The following RBFOX1 variants were observed in gnomAD, a reference collection of about 807,000 sequenced individuals.
RBFOX1 encodes the protein RNA binding fox-1 homolog 1, also known as RNA binding protein fox-1 homolog 1.
RBFOX1 carries 8 observed loss-of-function variants against 57.7 expected under a neutral mutation model. The ratio of observed to expected loss-of-function variants is 0.14; its 90% CI spans 0.08 to 0.25. The LOEUF (loss-of-function observed/expected upper bound fraction) is 0.25. Ranked by LOEUF, RBFOX1 falls within the 10% of genes least tolerant of loss-of-function variation. The pLI, the probability that RBFOX1 is intolerant of heterozygous loss-of-function variation, is 1.00. For synonymous variants in RBFOX1, 326 were observed against 222.4 expected, an observed-to-expected ratio of 1.47 and a Z score of -4.15; for missense variants, 611 against 548.5, an observed-to-expected ratio of 1.11 and a Z score of -1.14.
chr16:5,774,140 CAGG>C (rs1365170735), intron 3 of RBFOX1, among the ~76,000 whole-genome samples: 5 of 152,112 alleles, frequency 3.3e-5, no homozygotes, highest in Admixed American at 3.3e-4. Context: ...TTAGCCTGTG[CAGG>C]AGGAGGAGGA....
intron 2 of RBFOX1, among the ~76,000 whole-genome samples, chr16:6,642,621 C>G (rs929599): frequency 0.56 from 85,437 of 151,642 alleles, 25,486 homozygotes; most frequent in South Asian, 0.81. Context: ...GTGAAGAAAA[C>G]AAAATAACTC....
intron 4 of RBFOX1, among the ~76,000 whole-genome samples, chr16:7,509,210 A>T (rs78418472): frequency 6.6e-6 from 1 of 152,236 alleles, no homozygotes. Context: ...TTTTCTTGAT[A>T]GCATTTGTCA....
chr16:6,126,145 C>A (rs962831451), intron 1 of RBFOX1, among the ~76,000 whole-genome samples: 1 of 152,058 alleles, frequency 6.6e-6, no homozygotes, highest in Non-Finnish European at 1.5e-5. Flanking sequence ...AAATCAAATC[C>A]GAGGGATTAA....
chr16:6,863,111 G>T (rs2059304548), intron 3 of RBFOX1, among the ~76,000 whole-genome samples: 1 of 152,120 alleles, frequency 6.6e-6, no homozygotes, highest in African/African-American at 2.4e-5. Context: ...ACAGATTATT[G>T]GTGGGAGAGT....
intron 3 of RBFOX1, among the ~76,000 whole-genome samples, chr16:6,982,297 T>C (rs1599074787): frequency 6.6e-6 from 1 of 152,196 alleles, no homozygotes; most frequent in African/African-American, 2.4e-5. Context: ...ACCTACATTA[T>C]TCCATTTTGA....
chr16:6,864,046 G>C (rs1291512200), intron 3 of RBFOX1, among the ~76,000 whole-genome samples: 1 of 145,766 alleles, frequency 6.9e-6, no homozygotes, highest in Non-Finnish European at 1.5e-5. Context: ...AACCTGCCTA[G>C]CAAAAGCTGA....
At chr16:5,255,816 G>C (rs1056928237) in intron 1 of RBFOX1, among the ~76,000 whole-genome samples, 11 of 152,110 alleles carry the variant, frequency 7.2e-5, no homozygotes, top group Non-Finnish European at 1.3e-4. Flanking sequence ...TAGTAATTGA[G>C]AACACGGTCT....
chr16:6,945,683 G>A (rs934267915), intron 3 of RBFOX1, among the ~76,000 whole-genome samples: 1 of 152,076 alleles, frequency 6.6e-6, no homozygotes, highest in African/African-American at 2.4e-5. Context: ...CTGAGGTCAG[G>A]AGTTCAAGAC....
intron 3 of RBFOX1, among the ~76,000 whole-genome samples, chr16:6,786,434 G>A (rs924379872): frequency 6.6e-6 from 1 of 152,060 alleles, no homozygotes; most frequent in African/African-American, 2.4e-5. Context: ...TAGATCAAGT[G>A]GAAGAAACAT....
chr16:5,380,633 A>T (rs1420132651), intron 1 of RBFOX1, among the ~76,000 whole-genome samples: 1 of 152,218 alleles, frequency 6.6e-6, no homozygotes, highest in East Asian at 1.9e-4. Flanking sequence ...TTTTTTAGGC[A>T]TTATTACATT....
chr16:6,682,669 C>T (rs28735258), intron 3 of RBFOX1, among the ~76,000 whole-genome samples: 2 of 151,888 alleles, frequency 1.3e-5, no homozygotes, highest in African/African-American at 4.8e-5. Context: ...AAAAATGACT[C>T]TAGATGCCGC....
At position 6,590,514 on chromosome 16, in the gene RBFOX1, G is replaced by A. The variant is rs1048221214; in HGVS notation, c.-63-64089G>A. Among the ~76,000 whole-genome samples, 31 of 152,060 alleles carry A rather than the reference G, an allele frequency of 2.0e-4. 1 individual carries two copies. The highest frequency in any genetic ancestry group is 1.6e-3 in the Admixed American group (24 of 15,252). On this transcript the variant is annotated intron_variant, in intron 2 of 15. Transcript: ENST00000550418. ...GAGACAATTGTCCTTTATAGCTTTCGGGAGTAAATTCAATGAGAGCCCCCT... is the reference window on the plus strand; with the variant it reads ...GAGACAATTGTCCTTTATAGCTTTCAGGAGTAAATTCAATGAGAGCCCCCT...
At chr16:7,415,542 C>A (rs116064846) in intron 4 of RBFOX1, among the ~76,000 whole-genome samples, 2,472 of 152,230 alleles carry the variant, frequency 0.016, 66 homozygotes, top group African/African-American at 0.056. Context: ...GGTTTGAAAC[C>A]CACCTGTCCA....
chr16:5,630,606 A>T (rs1211322617), intron 3 of RBFOX1, among the ~76,000 whole-genome samples: 1 of 152,102 alleles, frequency 6.6e-6, no homozygotes, highest in Admixed American at 6.6e-5. Context: ...GATACTCTTG[A>T]TGGAAAGGAC....
chr16:5,475,961 T>A (rs1051854318), intron 2 of RBFOX1, among the ~76,000 whole-genome samples: 2 of 152,158 alleles, frequency 1.3e-5, no homozygotes, highest in Non-Finnish European at 2.9e-5. Flanking sequence ...ACCATGACTG[T>A]CTTGCTCCTC....
intron 2 of RBFOX1, among the ~76,000 whole-genome samples, chr16:5,523,157 A>G (rs1345431063): frequency 6.6e-6 from 1 of 152,140 alleles, no homozygotes; most frequent in Non-Finnish European, 1.5e-5. Flanking sequence ...TTGGTGGTGC[A>G]TGCCTGTAAT....
chr16:6,356,228 C>T (rs575432920), intron 2 of RBFOX1, among the ~76,000 whole-genome samples: 23 of 152,220 alleles, frequency 1.5e-4, no homozygotes, highest in Non-Finnish European at 3.1e-4. Flanking sequence ...CCAGAGAGTA[C>T]AGCATGGAGA....
intron 1 of RBFOX1, among the ~76,000 whole-genome samples, chr16:6,196,048 C>G (rs1484419238): frequency 1.3e-5 from 2 of 152,106 alleles, no homozygotes; most frequent in African/African-American, 2.4e-5. Context: ...CTATGAGAAC[C>G]ATTAATTACC....
chr16:6,045,022 G>A (rs1244035593), intron 1 of RBFOX1, among the ~76,000 whole-genome samples: 1 of 152,224 alleles, frequency 6.6e-6, no homozygotes, highest in African/African-American at 2.4e-5. Flanking sequence ...TGCCTGGGCT[G>A]TGGCCCTAGG....
Sources: allele counts gnomAD v4.1 joint callset (sites outside exome capture counted in the v4.1 genomes callset), GRCh38; gene constraint gnomAD v4.1.1; transcripts MANE v1.5; gene names NCBI Gene and HGNC (gene_info 2026-07-23, HGNC 2026-07-21).